CFAP251: variants seen among roughly 807,000 people sequenced by gnomAD.
The protein encoded by CFAP251 is cilia and flagella associated protein 251.
Under a neutral mutation model 126.7 loss-of-function variants are expected in CFAP251, and 93 were observed. That is an observed-to-expected ratio of 0.73 (90% CI 0.62 to 0.87). The LOEUF (loss-of-function observed/expected upper bound fraction) is 0.87, where lower values mean the gene tolerates loss of function less well. Among genes scored for constraint, CFAP251 ranks in the 40% least tolerant of loss-of-function variants. The probability of loss-of-function intolerance (pLI) is 0.00; values close to 1 mark genes in which losing one functional copy is unlikely to be tolerated. For synonymous variants in CFAP251, 503 were observed against 506.9 expected (o/e 0.99, Z 0.10); for missense variants, 1,287 against 1,389.2 (o/e 0.93, Z 1.17).
chr12:121,939,173 G>A (rs111813370), intron 5 of CFAP251, among the ~76,000 whole-genome samples: 43 of 152,234 alleles, frequency 2.8e-4, no homozygotes, highest in African/African-American at 1.0e-3. Context: ...TTGGTGTGAT[G>A]TTTTCCCAGA....
At chr12:121,968,411 C>G (rs545845402) in intron 17 of CFAP251, among the ~76,000 whole-genome samples, 1 of 152,312 alleles carries the variant, frequency 6.6e-6, no homozygotes, top group South Asian at 2.1e-4. Context: ...CTCACCCCTG[C>G]TCCCTAAAAT....
At chr12:121,931,185 G>T (rs1565903595) in intron 3 of CFAP251, among the ~76,000 whole-genome samples, 1 of 152,182 alleles carries the variant, frequency 6.6e-6, no homozygotes. Context: ...TAGGTCCTGG[G>T]GAGTGGAAGA....
At chr12:121,968,635 A>T (rs570479362) in intron 17 of CFAP251, among the ~76,000 whole-genome samples, 1 of 151,770 alleles carries the variant, frequency 6.6e-6, no homozygotes. Context: ...TTGAGGTGAA[A>T]GGGATAATAT....
chr12:121,978,130 C>T (rs1047505218), intron 19 of CFAP251, among the ~76,000 whole-genome samples: 28 of 150,784 alleles, frequency 1.9e-4, no homozygotes, highest in Admixed American at 1.3e-3. Context: ...CGGTGGCTCA[C>T]GCCTGTAATC....
chr12:121,981,203 C>T (rs941119043), intron 19 of CFAP251, among the ~76,000 whole-genome samples: 1 of 152,084 alleles, frequency 6.6e-6, no homozygotes, highest in African/African-American at 2.4e-5. Flanking sequence ...CACGGTGGCT[C>T]ACACCTGTAG....
At chr12:121,920,973 C>G (rs1218050834) in intron 1 of CFAP251, among the ~76,000 whole-genome samples, 1 of 152,002 alleles carries the variant, frequency 6.6e-6, no homozygotes, top group African/African-American at 2.4e-5. Context: ...CTCAGCCTCC[C>G]AAGTAGCTGG....
chr12:121,958,557 C>T, intron 12 of CFAP251, 35 bp downstream of exon 12: 1 of 1,611,688 alleles, frequency 6.2e-7, no homozygotes, highest in Non-Finnish European at 8.5e-7. Flanking sequence ...ATCGGTTCCA[C>T]ATGGACAGCC....
At chr12:121,972,880 A>G (rs2135797475) in intron 17 of CFAP251, among the ~76,000 whole-genome samples, 1 of 152,338 alleles carries the variant, frequency 6.6e-6, no homozygotes, top group East Asian at 1.9e-4. Context: ...GCAGAGCATA[A>G]AAGTTTGGAA....
intron 17 of CFAP251, among the ~76,000 whole-genome samples, chr12:121,973,309 A>T (rs1412416352): frequency 6.6e-6 from 1 of 152,266 alleles, no homozygotes; most frequent in Admixed American, 6.5e-5. Flanking sequence ...CCTAGATTTC[A>T]GAAGGTGTAT....
intron 19 of CFAP251, among the ~76,000 whole-genome samples, chr12:121,980,217 T>A (rs1465571188): frequency 1.3e-5 from 2 of 152,168 alleles, no homozygotes; most frequent in Non-Finnish European, 2.9e-5. Context: ...CTCAGTCCCC[T>A]TTAACCATGG....
rs769380655 is a variant in CFAP251, at chr12:121,923,754, A to C, written c.511A>C (p.Ile171Leu). ...TCAAATCAGTCCTGAGGAACAACAG[A>C]TTAGTTCCCCTGAAAGGCAGCCCTC... ...LDQISPEEQQ[I>L]SSPERQPSGE... Residue 171 changes from isoleucine to leucine, a missense_variant, in exon 3 of 22, where the codon ATT becomes CTT. Transcript: ENST00000288912. The C allele has an allele frequency of 6.2e-7, 1 of 1,613,024 alleles. No individual in the cohort carries two copies. The highest frequency in any genetic ancestry group is 1.3e-5 in the African/African-American group (1 of 74,830).
At chr12:121,948,950 T>C in intron 7 of CFAP251, 34 bp from the exon 8 acceptor site, 2 of 1,291,546 alleles carry the variant, frequency 1.5e-6, no homozygotes, top group South Asian at 2.8e-5. Flanking sequence ...ACAGAAAATT[T>C]ATCATTAATG....
Position 121,975,725 on chromosome 12 carries a change from A to G in CFAP251, c.3006+40A>G, listed in dbSNP as rs758839380. ...AACAAGAGCAGCAACGGGATGTGCT[A>G]TTTATAAAAAACAACCTCTGGGAAC... On this transcript the variant is annotated intron_variant, in intron 19 of 21. Transcript: ENST00000288912. 3 of 1,528,672 alleles carry G rather than the reference A, an allele frequency of 2.0e-6. No homozygotes were observed. In the South Asian group the frequency reaches 3.9e-5, roughly 20 times the overall value. 94.7% of individuals were successfully genotyped at this position (1,528,672 alleles called of 1,614,324 possible).
intron 19 of CFAP251, among the ~76,000 whole-genome samples, chr12:121,980,170 A>G: frequency 6.6e-6 from 1 of 152,226 alleles, no homozygotes; most frequent in Non-Finnish European, 1.5e-5. Flanking sequence ...CAGGTTGGCC[A>G]GGCGTGGGCA....
At chr12:121,976,823 C>T (rs1336271788) in intron 19 of CFAP251, among the ~76,000 whole-genome samples, 1 of 152,094 alleles carries the variant, frequency 6.6e-6, no homozygotes, top group East Asian at 1.9e-4. Context: ...GCAGGAGGAT[C>T]ACTTGAGCCC....
At chr12:121,936,202 G>C (rs12824593) in intron 5 of CFAP251, among the ~76,000 whole-genome samples, 1 of 152,044 alleles carries the variant, frequency 6.6e-6, no homozygotes, top group Admixed American at 6.5e-5. Flanking sequence ...TGCACTTTGG[G>C]AGCCTCCCAG....
chr12:122,000,494 G>A (rs1258272452), intron 20 of CFAP251, among the ~76,000 whole-genome samples: 8 of 150,630 alleles, frequency 5.3e-5, no homozygotes, highest in Non-Finnish European at 1.2e-4. Flanking sequence ...GGAGGTTGCA[G>A]TGAGCCAAGA....
intron 4 of CFAP251, 49 bp from the exon 5 acceptor site, chr12:121,934,198 C>A: frequency 6.7e-7 from 1 of 1,487,892 alleles, no homozygotes. Context: ...GTGGCCAAGG[C>A]TGGGCCGCAT....
chr12:121,954,636 T>TAAAAGAA (rs1881651900), intron 10 of CFAP251, among the ~76,000 whole-genome samples: 1 of 41,980 alleles, frequency 2.4e-5, no homozygotes, highest in Non-Finnish European at 4.0e-5. Context: ...CCTCCTGTCT[T>TAAAAGAA]AAAAAAAAAA....
Sources: allele counts gnomAD v4.1 joint callset (sites outside exome capture counted in the v4.1 genomes callset), GRCh38; gene constraint gnomAD v4.1.1; transcripts MANE v1.5; gene names NCBI Gene and HGNC (gene_info 2026-07-23, HGNC 2026-07-21).